The following MKLN1 variants were observed in gnomAD, a reference collection of about 807,000 sequenced individuals.
MKLN1 encodes the protein muskelin 1.
MKLN1 carries 18 observed loss-of-function variants against 99.0 expected under a neutral mutation model. That is an observed-to-expected ratio of 0.18 (90% CI 0.13 to 0.27). MKLN1 has a LOEUF of 0.27. Among genes scored for constraint, MKLN1 ranks in the 10% least tolerant of loss-of-function variants. The pLI is 1.00. For synonymous variants in MKLN1, 288 were observed against 293.2 expected (o/e 0.98, Z 0.18); for missense variants, 621 against 875.9 (o/e 0.71, Z 3.67).
chr7:131,334,787 A>G (rs559318611), intron 1 of MKLN1, among the ~76,000 whole-genome samples: 2 of 152,326 alleles, frequency 1.3e-5, no homozygotes, highest in East Asian at 3.9e-4. Flanking sequence ...TGGAAATATG[A>G]AAGATTTTCT....
At position 131,254,503 on chromosome 7, in the gene MKLN1, A is replaced by G. The variant is rs145761698; in HGVS notation, c.-179+51529A>G. ...CAAACAATGACTTTAAAGCACTTAT[A>G]TGTTCAAGGAATTAAAGGAAACCAT... On this transcript the variant is annotated intron_variant, in intron 3 of 7. Transcript: ENST00000416992. Among the ~76,000 whole-genome samples, 56 of 152,288 alleles carry G rather than the reference A, an allele frequency of 3.7e-4. 3 individuals are homozygous for G. The East Asian group carries it at 0.011, about 29-fold the overall frequency.
intron 8 of MKLN1, among the ~76,000 whole-genome samples, chr7:131,427,281 C>T (rs1724836415): frequency 6.6e-6 from 1 of 152,170 alleles, no homozygotes; most frequent in African/African-American, 2.4e-5. Flanking sequence ...AGAAGATAGC[C>T]TAACTCTGTG....
chr7:131,372,771 G>A (rs1248288069), intron 1 of MKLN1, among the ~76,000 whole-genome samples: 1 of 145,802 alleles, frequency 6.9e-6, no homozygotes, highest in Non-Finnish European at 1.5e-5. Flanking sequence ...AAAGAATTCT[G>A]AGGCTTTAGC....
chr7:131,329,311 G>A (rs1453881172), intron 1 of MKLN1, among the ~76,000 whole-genome samples: 1 of 152,206 alleles, frequency 6.6e-6, no homozygotes, highest in Non-Finnish European at 1.5e-5. Flanking sequence ...GCCCAATGAA[G>A]GGTGCCAAGT....
intron 2 of MKLN1, among the ~76,000 whole-genome samples, chr7:131,157,117 C>G (rs776875972): frequency 6.6e-6 from 1 of 152,196 alleles, no homozygotes; most frequent in African/African-American, 2.4e-5. Flanking sequence ...TGATGGCTTA[C>G]GCCTGTAATC....
At chr7:131,344,609 C>A (rs569337054) in intron 1 of MKLN1, among the ~76,000 whole-genome samples, 15 of 152,250 alleles carry the variant, frequency 9.9e-5, no homozygotes, top group African/African-American at 3.6e-4. Flanking sequence ...CCTTACTGTT[C>A]TTGTGTATTC....
chr7:131,228,525 C>G (rs1158690615), intron 3 of MKLN1, among the ~76,000 whole-genome samples: 2 of 152,204 alleles, frequency 1.3e-5, no homozygotes, highest in African/African-American at 4.8e-5. Flanking sequence ...CTCTGCTGCT[C>G]TTAGTATTAG....
intron 3 of MKLN1, among the ~76,000 whole-genome samples, chr7:131,227,495 CTCTT>C (rs369374338): frequency 0.11 from 12,273 of 115,596 alleles, 690 homozygotes; most frequent in South Asian, 0.18. Flanking sequence ...CTCTTTCTTT[CTCTT>C]TCTTTCTTTC....
intron 9 of MKLN1, among the ~76,000 whole-genome samples, chr7:131,431,081 G>T (rs1323999465): frequency 3.9e-5 from 6 of 152,090 alleles, no homozygotes; most frequent in Non-Finnish European, 8.8e-5. Flanking sequence ...AACTAGCTGG[G>T]CATGGTAGCA....
At chr7:131,310,841 C>T (rs1239136092) in intron 3 of MKLN1, 1 of 152,168 alleles carries the variant, frequency 6.6e-6, no homozygotes, top group Non-Finnish European at 1.5e-5. Context: ...TAAGAGTACT[C>T]ATGAATAGTT....
intron 1 of MKLN1, among the ~76,000 whole-genome samples, chr7:131,371,155 T>G (rs1793440268): frequency 6.6e-6 from 1 of 152,168 alleles, no homozygotes; most frequent in Non-Finnish European, 1.5e-5. Flanking sequence ...TATCAGATAT[T>G]TATTAAGTAC....
intron 16 of MKLN1, among the ~76,000 whole-genome samples, chr7:131,473,886 C>T (rs550041729): frequency 3.3e-5 from 5 of 152,314 alleles, no homozygotes; most frequent in Admixed American, 1.3e-4. Context: ...CAGTGGTTCA[C>T]GCCTGTAATC....
chr7:131,394,423 A>G (rs749240022), intron 4 of MKLN1, among the ~76,000 whole-genome samples: 3 of 152,070 alleles, frequency 2.0e-5, no homozygotes, highest in African/African-American at 4.8e-5. Context: ...ATCATCAAGC[A>G]TTAGATTCTC....
chr7:131,423,649 T>G (rs955953454), intron 8 of MKLN1, among the ~76,000 whole-genome samples: 6 of 152,320 alleles, frequency 3.9e-5, no homozygotes, highest in African/African-American at 1.4e-4. Context: ...GCTTTTATTT[T>G]TTTACATGTG....
chr7:131,442,923 A>G (rs1394840412), intron 10 of MKLN1, among the ~76,000 whole-genome samples: 1 of 152,268 alleles, frequency 6.6e-6, no homozygotes, highest in Non-Finnish European at 1.5e-5. Flanking sequence ...AAGTAGGCAG[A>G]GTTCTTCACA....
At chr7:131,219,359 T>C (rs1390782766) in intron 3 of MKLN1, among the ~76,000 whole-genome samples, 1 of 152,172 alleles carries the variant, frequency 6.6e-6, no homozygotes, top group Admixed American at 6.5e-5. Flanking sequence ...CCCCATCCTG[T>C]GTCCTACACA....
At chr7:131,153,923 A>G (rs1795927827) in intron 2 of MKLN1, among the ~76,000 whole-genome samples, 1 of 152,030 alleles carries the variant, frequency 6.6e-6, no homozygotes, top group Non-Finnish European at 1.5e-5. Flanking sequence ...TTGGCCTCCC[A>G]AAGTACTGGG....
intron 2 of MKLN1, among the ~76,000 whole-genome samples, chr7:131,155,488 T>C (rs998046515): frequency 7.2e-5 from 11 of 152,220 alleles, no homozygotes; most frequent in Non-Finnish European, 1.6e-4. Flanking sequence ...GCAGCTATCT[T>C]TGAAATTCCT....
chr7:131,177,468 C>CAAAAAAA (rs11351761), intron 2 of MKLN1, among the ~76,000 whole-genome samples: 1 of 106,130 alleles, frequency 9.4e-6, no homozygotes, highest in Non-Finnish European at 1.9e-5. Context: ...GACTCCATCT[C>CAAAAAAA]AAAAAAAAAA....
Sources: gnomAD v4.1 joint callset for allele counts (sites outside exome capture counted in the v4.1 genomes callset) on GRCh38, gnomAD v4.1.1 for gene constraint, MANE v1.5 for transcripts, NCBI Gene and HGNC (gene_info 2026-07-23, HGNC 2026-07-21) for gene names.